The following ALMS1 variants were observed in gnomAD, a reference collection of about 807,000 sequenced individuals.
ALMS1 encodes ALMS1 centrosome and basal body associated protein.
ALMS1 carries 271 observed loss-of-function variants against 352.2 expected under a neutral mutation model. That is an observed-to-expected ratio of 0.77 (90% CI 0.70 to 0.85). The LOEUF (loss-of-function observed/expected upper bound fraction) is 0.85. Among genes scored for constraint, ALMS1 ranks in the 40% least tolerant of loss-of-function variants. The pLI, the probability that ALMS1 is intolerant of heterozygous loss-of-function variation, is 0.00. For missense variants in ALMS1, 5,445 were observed against 4,870.7 expected (o/e 1.12, Z -3.51); for synonymous variants, 1,865 against 1,761.2 (o/e 1.06, Z -1.48).
At chr2:73,532,438 T>C (rs1673933430) in intron 11 of ALMS1, among the ~76,000 whole-genome samples, 1 of 152,126 alleles carries the variant, frequency 6.6e-6, no homozygotes, top group African/African-American at 2.4e-5. Flanking sequence ...CTGGCATCCA[T>C]GCCACAAGAC....
intron 17 of ALMS1, among the ~76,000 whole-genome samples, chr2:73,600,226 A>G (rs1307489081): frequency 6.6e-6 from 1 of 152,236 alleles, no homozygotes; most frequent in Non-Finnish European, 1.5e-5. Context: ...AGTGGGAAGG[A>G]GGATTTTTAG....
chr2:73,482,328 G>A (rs1298242013), intron 9 of ALMS1, among the ~76,000 whole-genome samples: 1 of 152,162 alleles, frequency 6.6e-6, no homozygotes, highest in Non-Finnish European at 1.5e-5. Context: ...TGCATCTATT[G>A]AGAAAATCAT....
Position 73,572,676 on chromosome 2 carries a change from A to T in ALMS1, c.10799A>T (p.Glu3600Val). The change falls in exon 16 of 23, where the codon GAA (glutamate) becomes GTA (valine). Residue 3600 changes from glutamate to valine, a missense_variant. Coordinates refer to ENST00000613296, the MANE Select transcript of ALMS1 (RefSeq NM_001378454.1). ...QTTQHTVSLN[E>V]LWNKYRERQR... ...ACTCAGCACACTGTGAGTTTGAATG[A>T]ACTGTGGAACAAGTATCGGGAGCGA... is the stretch of plus-strand genomic sequence containing the variant. The T allele has an allele frequency of 6.2e-7, 1 of 1,614,118 alleles. No individual in the cohort carries two copies.
chr2:73,524,560 A>G (rs1007782079), intron 11 of ALMS1, among the ~76,000 whole-genome samples: 2 of 152,032 alleles, frequency 1.3e-5, no homozygotes, highest in South Asian at 2.1e-4. Context: ...GGTTCAAGCA[A>G]TTCTGCCTCA....
chr2:73,412,689 G>C (rs1270104311), intron 2 of ALMS1, among the ~76,000 whole-genome samples: 2 of 152,062 alleles, frequency 1.3e-5, no homozygotes, highest in African/African-American at 2.4e-5. Context: ...CCAGCTACTC[G>C]GGAGGCTGAG....
chr2:73,392,325 C>T (rs892204233), intron 1 of ALMS1, among the ~76,000 whole-genome samples: 1 of 149,532 alleles, frequency 6.7e-6, no homozygotes, highest in African/African-American at 2.5e-5. Context: ...GCTTAATTGA[C>T]TTACTTAAAA....
chr2:73,473,598 A>G (rs1266671282), intron 9 of ALMS1, among the ~76,000 whole-genome samples: 1 of 152,112 alleles, frequency 6.6e-6, no homozygotes, highest in Admixed American at 6.6e-5. Context: ...CCCACCTTAA[A>G]TGTACTCAAT....
In ALMS1 at chr2:73,550,365, A is replaced by G. The variant is rs747566310; in HGVS notation, c.10006A>G (p.Ile3336Val). The change falls in exon 13 of 23, where the codon ATC becomes GTC. Residue 3336 changes from isoleucine to valine, a missense_variant. Transcript: ENST00000613296. ...TGTTAACATTAAACATAAAGAAGGA[A>G]TCTACAGTAAGAGGGTAGTGACTAA... is the stretch of plus-strand genomic sequence containing the variant. ...ATVNIKHKEG[I>V]YSKRVVTKAS... is the part of the protein sequence containing the mutation. The G allele has an allele frequency of 6.2e-7, 1 of 1,614,132 alleles. No homozygotes were observed. Among genetic ancestry groups the G allele is most frequent in the Non-Finnish European group, 8.5e-7 (1 of 1,180,046 alleles).
In ALMS1 at chr2:73,448,419, T is replaced by C. The variant is rs779087132; in HGVS notation, c.1892T>C (p.Phe631Ser). The C allele has an allele frequency of 1.2e-6, 2 of 1,613,982 alleles. No individual in the cohort carries two copies. Among genetic ancestry groups the C allele is most frequent in the South Asian group, 1.1e-5 (1 of 91,078 alleles). The change falls in exon 8 of 23, where the codon TTT becomes TCT. Residue 631 changes from phenylalanine (F) to serine (S), a missense_variant. By Grantham distance (155) the Phe-to-Ser change is radical. Transcript: ENST00000613296. ...SYSHREKPGT[F>S]YQQELPESNL... ...TCACATAGAGAGAAGCCTGGTACTT[T>C]TTACCAACAAGAGTTACCAGAGAGT...
intron 12 of ALMS1, among the ~76,000 whole-genome samples, chr2:73,548,775 T>C (rs1010876119): frequency 1.3e-5 from 2 of 152,188 alleles, no homozygotes; most frequent in Admixed American, 6.5e-5. Context: ...TCTTGGGCAA[T>C]GGTACATTAT....
At chr2:73,569,677 TAAATG>T (rs543783799) in intron 15 of ALMS1, among the ~76,000 whole-genome samples, 93 of 152,346 alleles carry the variant, frequency 6.1e-4, no homozygotes, top group African/African-American at 1.7e-3. Context: ...CTCTGCTTTA[TAAATG>T]AAATAAGCCA....
chr2:73,466,115 C>G (rs1274970316), intron 9 of ALMS1, among the ~76,000 whole-genome samples: 2 of 152,062 alleles, frequency 1.3e-5, no homozygotes, highest in Non-Finnish European at 2.9e-5. Flanking sequence ...ACCATTTGAC[C>G]CAGCCATCCC....
rs1670518062 is a variant in ALMS1 at position 73,386,051 on chromosome 2, G to T, written c.183G>T (p.Gly61=). The change falls in exon 1 of 23, where the codon GGG becomes GGT. Residue 61 remains glycine (G), a synonymous_variant. Transcript: ENST00000613296. ...GRELDSDSHY[G]PQHLESIDDE... is the part of the protein sequence containing the mutation. ...AGTTGGACTCCGACTCTCACTACGG[G>T]CCCCAGCATCTGGAAAGTATAGACG... 6.3e-7 allele frequency: 1 copy of T among 1,582,604 alleles called. No homozygotes were observed. Among genetic ancestry groups the T allele is most frequent in the Non-Finnish European group, 8.6e-7 (1 of 1,164,892 alleles).
At chr2:73,551,204 A>G (rs967900097) in intron 13 of ALMS1, among the ~76,000 whole-genome samples, 1 of 152,018 alleles carries the variant, frequency 6.6e-6, no homozygotes, top group Non-Finnish European at 1.5e-5. Flanking sequence ...AACATTCAAA[A>G]CTAAGATTTT....
rs372383104 is a variant in ALMS1 at position 73,454,022 on chromosome 2, A to G, written c.7495A>G (p.Ile2499Val). The change falls in exon 8 of 23, where the codon ATA becomes GTA. Residue 2499 changes from isoleucine to valine, a missense_variant. By Grantham distance (29) the Ile-to-Val change is conservative. Coordinates refer to ENST00000613296, the MANE Select transcript of ALMS1 (RefSeq NM_001378454.1). Reference sequence around the variant, plus strand: ...ATCCTCACTGAATCATGCTAAAGAAATACTCAGAAATGCAGAGGAAGAGGA... The same window carrying G: ...ATCCTCACTGAATCATGCTAAAGAAGTACTCAGAAATGCAGAGGAAGAGGA... ...CESSLNHAKE[I>V]LRNAEEEESR... 1.2e-6 allele frequency: 2 copies of G among 1,613,368 alleles called. No individual in the cohort carries two copies. The highest frequency in any genetic ancestry group is 1.7e-6 in the Non-Finnish European group (2 of 1,179,716).
At chr2:73,551,491 C>A (rs775415889) in intron 13 of ALMS1, among the ~76,000 whole-genome samples, 1 of 126,456 alleles carries the variant, frequency 7.9e-6, no homozygotes, top group African/African-American at 3.1e-5. Flanking sequence ...GGGTGGAGTG[C>A]GATGGCGCGA....
At position 73,424,539 on chromosome 2, in the gene ALMS1, C is replaced by A; in HGVS notation, c.874C>A (p.Arg292Ser). 4 of 1,612,198 alleles carry A rather than the reference C, an allele frequency of 2.5e-6. No individual in the cohort carries two copies. The highest frequency in any genetic ancestry group is 3.4e-6 in the Non-Finnish European group (4 of 1,179,020). ...AGTAGCTTCAGACTTAGCAAGCAGTCGCTTTAGTGTATCTCAGCACCCGCT... is the reference window on the plus strand; with the variant it reads ...AGTAGCTTCAGACTTAGCAAGCAGTAGCTTTAGTGTATCTCAGCACCCGCT... ...AEVASDLASS[R>S]FSVSQHPLIG... The change falls in exon 5 of 23, where the codon CGC (arginine) becomes AGC (serine). Residue 292 changes from arginine to serine, a missense_variant. Coordinates refer to ENST00000613296, the MANE Select transcript of ALMS1 (RefSeq NM_001378454.1).
chr2:73,608,072 G>C (rs1675852988), intron 21 of ALMS1, among the ~76,000 whole-genome samples: 1 of 152,086 alleles, frequency 6.6e-6, no homozygotes, highest in Admixed American at 6.5e-5. Context: ...TTATAGGTGT[G>C]ACCATTTTAG....
At chr2:73,458,259 T>G (rs1672115066) in intron 9 of ALMS1, 2 of 152,068 alleles carry the variant, frequency 1.3e-5, no homozygotes, top group South Asian at 4.1e-4. Flanking sequence ...GGACCTTTTA[T>G]TTTTTTAACT....
Sources: allele counts gnomAD v4.1 joint callset (sites outside exome capture counted in the v4.1 genomes callset), GRCh38; gene constraint gnomAD v4.1.1; transcripts MANE v1.5; gene names NCBI Gene and HGNC (gene_info 2026-07-23, HGNC 2026-07-21).